PPP1R12A: variants seen among roughly 807,000 people sequenced by gnomAD.
The protein encoded by PPP1R12A is myosin binding subunit.
A neutral mutation model predicts 139.6 loss-of-function variants in PPP1R12A; 19 were observed. The observed-to-expected ratio is 0.14, with a 90% confidence interval of 0.09 to 0.20. The LOEUF is 0.20. Among genes scored for constraint, PPP1R12A ranks in the 10% least tolerant of loss-of-function variants. The probability of loss-of-function intolerance (pLI) is 1.00; values close to 1 mark genes in which losing one functional copy is unlikely to be tolerated. For missense variants in PPP1R12A, 925 were observed against 1,211.5 expected (o/e 0.76, Z 3.51); for synonymous variants, 427 against 420.6 (o/e 1.02, Z -0.19).
intron 14 of PPP1R12A, among the ~76,000 whole-genome samples, chr12:79,800,299 A>G (rs1488263905): frequency 2.0e-5 from 3 of 152,064 alleles, no homozygotes; most frequent in African/African-American, 7.2e-5. Flanking sequence ...TAGCAAGACC[A>G]ATCCCTCCTC....
chr12:79,857,328 A>G (rs1456522798), intron 2 of PPP1R12A, among the ~76,000 whole-genome samples: 1 of 151,876 alleles, frequency 6.6e-6, no homozygotes, highest in African/African-American at 2.4e-5. Flanking sequence ...AAACTATCGC[A>G]AGGACAAAAA....
At chr12:79,822,741 C>A (rs1323608778) in intron 5 of PPP1R12A, among the ~76,000 whole-genome samples, 1 of 149,910 alleles carries the variant, frequency 6.7e-6, no homozygotes, top group Non-Finnish European at 1.5e-5. Flanking sequence ...CACTTCATTT[C>A]TTTTGATGAA....
At chr12:79,802,735 A>G (rs1275333726) in intron 14 of PPP1R12A, among the ~76,000 whole-genome samples, 1 of 152,114 alleles carries the variant, frequency 6.6e-6, no homozygotes, top group Non-Finnish European at 1.5e-5. Flanking sequence ...AGCTATCATC[A>G]CACCACCACA....
At chr12:79,898,137 C>T (rs1379314898) in intron 1 of PPP1R12A, among the ~76,000 whole-genome samples, 3 of 152,178 alleles carry the variant, frequency 2.0e-5, no homozygotes, top group African/African-American at 7.2e-5. Context: ...CACTGATCCA[C>T]AATCCCACTT....
upstream of PPP1R12A, chr12:79,935,387 T>A: frequency 3.0e-6 from 3 of 994,098 alleles, no homozygotes; most frequent in Non-Finnish European, 3.6e-6. Flanking sequence ...AAGGTTGTCC[T>A]GTCGGGCTGG....
chr12:79,848,485 G>A (rs1735725239), intron 2 of PPP1R12A, among the ~76,000 whole-genome samples: 1 of 152,090 alleles, frequency 6.6e-6, no homozygotes, highest in African/African-American at 2.4e-5. Context: ...AGAAAGCAGA[G>A]TTTCAAGGAA....
chr12:79,912,774 A>G (rs1206902538), intron 1 of PPP1R12A, among the ~76,000 whole-genome samples: 2 of 152,140 alleles, frequency 1.3e-5, no homozygotes, highest in Non-Finnish European at 2.9e-5. Context: ...GAGAATCCCT[A>G]TCAACTATAA....
At chr12:79,847,958 C>A (rs1165090856) in intron 2 of PPP1R12A, among the ~76,000 whole-genome samples, 1 of 152,082 alleles carries the variant, frequency 6.6e-6, no homozygotes, top group African/African-American at 2.4e-5. Flanking sequence ...CACACACACA[C>A]CCTCCCTCTA....
intron 9 of PPP1R12A, among the ~76,000 whole-genome samples, chr12:79,815,382 T>A (rs968307947): frequency 6.6e-6 from 1 of 151,800 alleles, no homozygotes; most frequent in East Asian, 1.9e-4. Flanking sequence ...ATTAGTCAGG[T>A]GTGGTGGAGG....
chr12:79,797,455 AT>A, intron 15 of PPP1R12A, 60 bp from the exon 16 acceptor site: 1 of 1,414,202 alleles, frequency 7.1e-7, no homozygotes, highest in Non-Finnish European at 9.5e-7. Context: ...TTCAAGGAAT[AT>A]TTTAGAAATA....
chr12:79,931,458 GA>G (rs1159454661), intron 1 of PPP1R12A, among the ~76,000 whole-genome samples: 1 of 152,064 alleles, frequency 6.6e-6, no homozygotes, highest in Non-Finnish European at 1.5e-5. Flanking sequence ...AGAGGAAAAA[GA>G]AAAGATTTTA....
chr12:79,832,507 T>C lies in PPP1R12A; in HGVS notation c.488-16A>G, dbSNP rs1303707717. On this transcript the variant is annotated splice_polypyrimidine_tract_variant and intron_variant, in intron 3 of 24. Coordinates refer to ENST00000450142, the MANE Select transcript of PPP1R12A (RefSeq NM_002480.3). ...ATATCAACCCCTGATAAAATAAAAA[T>C]AGTTCTTTTTATTTTTGCTTAAAAA... 1 of 1,560,490 alleles carries C rather than the reference T, an allele frequency of 6.4e-7. No individual in the cohort carries two copies. Among genetic ancestry groups the C allele is most frequent in the Admixed American group, 2.0e-5 (1 of 50,486 alleles).
chr12:79,875,732 A>G (rs2137350444), intron 1 of PPP1R12A, among the ~76,000 whole-genome samples: 1 of 152,348 alleles, frequency 6.6e-6, no homozygotes, highest in South Asian at 2.1e-4. Context: ...GGATATTTGA[A>G]GTAGCTGTTG....
intron 4 of PPP1R12A, among the ~76,000 whole-genome samples, chr12:79,829,976 A>G (rs2137145952): frequency 6.6e-6 from 1 of 152,238 alleles, no homozygotes; most frequent in Admixed American, 6.5e-5. Context: ...ATCAAAATCA[A>G]ATTGAAAGGA....
intron 1 of PPP1R12A, among the ~76,000 whole-genome samples, chr12:79,899,099 A>C (rs1416318086): frequency 1.3e-5 from 2 of 152,072 alleles, no homozygotes; most frequent in African/African-American, 2.4e-5. Flanking sequence ...CTACTTTGAA[A>C]GTACCAAAAA....
chr12:79,809,577 C>T (rs867985776), intron 10 of PPP1R12A, among the ~76,000 whole-genome samples: 11 of 152,168 alleles, frequency 7.2e-5, no homozygotes, highest in Middle Eastern at 3.4e-3. Context: ...ATTCCTTTAA[C>T]GGAGTATAGT....
chr12:79,826,864 T>G (rs1876844349), intron 5 of PPP1R12A, among the ~76,000 whole-genome samples: 1 of 152,202 alleles, frequency 6.6e-6, no homozygotes, highest in African/African-American at 2.4e-5. Context: ...CTCATCTAGT[T>G]CTCATCCGGA....
chr12:79,919,282 C>T (rs926070105), intron 1 of PPP1R12A, among the ~76,000 whole-genome samples: 1 of 151,418 alleles, frequency 6.6e-6, no homozygotes, highest in East Asian at 2.0e-4. Flanking sequence ...CTCAGCCGGG[C>T]GCGGTGGCTC....
upstream of PPP1R12A, chr12:79,935,454 C>T: frequency 6.1e-6 from 6 of 988,100 alleles, 1 homozygote; most frequent in South Asian, 2.8e-4. Flanking sequence ...CAGGGCAGAT[C>T]TGCCTCCCGT....
Sources: allele counts gnomAD v4.1 joint callset (sites outside exome capture counted in the v4.1 genomes callset), GRCh38; gene constraint gnomAD v4.1.1; transcripts MANE v1.5; gene names NCBI Gene and HGNC (gene_info 2026-07-23, HGNC 2026-07-21).